NECAB1: variants seen among roughly 807,000 people sequenced by gnomAD.
The protein encoded by NECAB1 is N-terminal EF-hand calcium-binding protein 1.
A neutral mutation model predicts 57.5 loss-of-function variants in NECAB1; 29 were observed. The observed-to-expected ratio is 0.50, with a 90% CI of 0.38 to 0.69. The LOEUF is 0.69. Ranked by LOEUF, NECAB1 falls within the 30% of genes least tolerant of loss-of-function variation. NECAB1 has a pLI of 0.00. For synonymous variants in NECAB1, 142 were observed against 147.7 expected (o/e 0.96, Z 0.28); for missense variants, 372 against 413.8 (o/e 0.90, Z 0.88).
chr8:90,811,066 G>C (rs755559543), intron 2 of NECAB1, among the ~76,000 whole-genome samples: 11 of 151,198 alleles, frequency 7.3e-5, no homozygotes, highest in Non-Finnish European at 1.5e-4. Flanking sequence ...TCCTGCCTCC[G>C]CCTCCCGAGT....
chr8:90,916,408 A>C (rs1809953519), intron 5 of NECAB1, among the ~76,000 whole-genome samples: 1 of 152,212 alleles, frequency 6.6e-6, no homozygotes, highest in Non-Finnish European at 1.5e-5. Flanking sequence ...AGAACCAGGA[A>C]GGTTAGATAC....
At chr8:90,927,495 A>G (rs1810302318) in intron 7 of NECAB1, among the ~76,000 whole-genome samples, 1 of 152,006 alleles carries the variant, frequency 6.6e-6, no homozygotes, top group Admixed American at 6.6e-5. Context: ...AGTATATACA[A>G]ATATGCCAGG....
chr8:90,827,333 T>A (rs1029858012), intron 3 of NECAB1, among the ~76,000 whole-genome samples: 8 of 151,996 alleles, frequency 5.3e-5, no homozygotes, highest in African/African-American at 1.9e-4. Flanking sequence ...TCAGACTCAC[T>A]GTCTCACACT....
chr8:90,837,768 G>T (rs949459059), intron 3 of NECAB1, among the ~76,000 whole-genome samples: 1 of 152,120 alleles, frequency 6.6e-6, no homozygotes, highest in Non-Finnish European at 1.5e-5. Flanking sequence ...TTGCTCTCTT[G>T]CTGTGATCCT....
At position 90,955,112 on chromosome 8, in the gene NECAB1, TTATATATATATATATATATA is replaced by T. The variant is rs59244524; in HGVS notation, c.1031-357_1031-338del. The stretch of plus-strand genomic sequence containing the variant: ...ATTTCATAAATATTGGGTATATAAA[TTATATATATATATATATATA>T]TATATATATATATATATGGCCTAAC... On this transcript the variant is annotated intron_variant, in intron 12 of 12. Coordinates refer to ENST00000417640, the MANE Select transcript of NECAB1 (RefSeq NM_022351.5). Among the ~76,000 whole-genome samples the T allele has an allele frequency of 7.5e-4, 53 of 70,816 alleles. 2 individuals are homozygous for T. The highest frequency in any genetic ancestry group is 5.8e-3 in the South Asian group (11 of 1,902). The allele number at this position is 70,816 out of a possible 152,430, so 46.5% of individuals were successfully genotyped here. A position where few individuals can be genotyped will look rare whatever the true frequency, so the allele number is the denominator to read the frequency against.
intron 2 of NECAB1, among the ~76,000 whole-genome samples, chr8:90,802,124 G>A (rs1338434334): frequency 1.3e-5 from 2 of 152,180 alleles, no homozygotes; most frequent in Non-Finnish European, 2.9e-5. Context: ...TGTATGACAC[G>A]CAAGTCTGGA....
chr8:90,924,977 A>G (rs1810224264), intron 6 of NECAB1, among the ~76,000 whole-genome samples: 2 of 151,740 alleles, frequency 1.3e-5, no homozygotes, highest in South Asian at 4.1e-4. Flanking sequence ...TGTATATAAT[A>G]TATATTTTAA....
chr8:90,926,548 T>C, intron 7 of NECAB1, among the ~76,000 whole-genome samples: 1 of 152,212 alleles, frequency 6.6e-6, no homozygotes, highest in East Asian at 1.9e-4. Context: ...TGGTTACACC[T>C]GTAGATACTT....
At chr8:90,895,915 A>G (rs1809317488) in intron 5 of NECAB1, among the ~76,000 whole-genome samples, 1 of 152,232 alleles carries the variant, frequency 6.6e-6, no homozygotes. Flanking sequence ...AATCAGAGGC[A>G]CAATTAAAGC....
chr8:90,837,284 G>C (rs1289675754), intron 3 of NECAB1, among the ~76,000 whole-genome samples: 2 of 152,176 alleles, frequency 1.3e-5, no homozygotes, highest in Admixed American at 1.3e-4. Context: ...AAGACCCACA[G>C]TGGATGCTTA....
rs1253645882 is a variant in NECAB1, at chr8:90,914,010, C to CA, written c.358-3481dup. On this transcript the variant is annotated intron_variant, in intron 5 of 12. Coordinates refer to ENST00000417640, the MANE Select transcript of NECAB1 (RefSeq NM_022351.5). ...AGCAAGGGCTGGATGCAGGGGGAGGCAGGTGGTGACCAGCCAGTGGCAAGA... is the reference window on the plus strand; with the variant it reads ...AGCAAGGGCTGGATGCAGGGGGAGGCAAGGTGGTGACCAGCCAGTGGCAAGA... Among the ~76,000 whole-genome samples, 5 of 152,318 alleles carry CA rather than the reference C, an allele frequency of 3.3e-5. No individual in the cohort carries two copies. In the East Asian group the frequency reaches 9.6e-4, roughly 29 times the overall value.
At chr8:90,831,985 C>T (rs1812304755) in intron 3 of NECAB1, among the ~76,000 whole-genome samples, 1 of 152,108 alleles carries the variant, frequency 6.6e-6, no homozygotes, top group Non-Finnish European at 1.5e-5. Context: ...AAATTGAAGT[C>T]TTACACTTTT....
intron 3 of NECAB1, among the ~76,000 whole-genome samples, chr8:90,861,821 G>C (rs1033287170): frequency 3.3e-5 from 5 of 152,122 alleles, no homozygotes; most frequent in African/African-American, 1.2e-4. Flanking sequence ...GGAGAGCCAG[G>C]GCAAACCCAG....
intron 5 of NECAB1, among the ~76,000 whole-genome samples, chr8:90,901,800 T>C (rs1456086322): frequency 2.6e-5 from 4 of 152,170 alleles, no homozygotes. Flanking sequence ...TTGAGCCTTG[T>C]AGTTACACAC....
chr8:90,955,168 G>A (rs756528636), intron 12 of NECAB1, among the ~76,000 whole-genome samples: 1 of 128,078 alleles, frequency 7.8e-6, no homozygotes, highest in African/African-American at 3.0e-5. Context: ...TACTGCCAGT[G>A]TTGGGTAGAT....
At chr8:90,808,640 C>CTTTTTTTTTTTT (rs200075536) in intron 2 of NECAB1, among the ~76,000 whole-genome samples, 365 of 81,230 alleles carry the variant, frequency 4.5e-3, no homozygotes, top group East Asian at 6.2e-3. Flanking sequence ...TTTTTCTTTT[C>CTTTTTTTTTTTT]TTTTTTTTTT....
chr8:90,817,516 A>G (rs1812078862), intron 2 of NECAB1, among the ~76,000 whole-genome samples: 1 of 151,042 alleles, frequency 6.6e-6, no homozygotes, highest in Non-Finnish European at 1.5e-5. Context: ...GTTTGCTGAG[A>G]GTTATTAATG....
At position 90,932,056 on chromosome 8, in the gene NECAB1, T is replaced by C. The variant is rs1810423655; in HGVS notation, c.694-2248T>C. 3.3e-5 allele frequency among the ~76,000 whole-genome samples: 5 copies of C among 152,170 alleles called. No homozygotes were observed. In the South Asian group the frequency reaches 1.0e-3, roughly 32 times the overall value. ...TCATCAGATCACAGGACATTCTCAT[T>C]TGAAAGGATGTAATTCAGGATGTCA... On this transcript the variant is annotated intron_variant, in intron 8 of 12. Transcript: ENST00000417640.
chr8:90,811,723 T>G (rs995954488), intron 2 of NECAB1, among the ~76,000 whole-genome samples: 1 of 152,200 alleles, frequency 6.6e-6, no homozygotes, highest in Admixed American at 6.5e-5. Context: ...TTGTGTCTGG[T>G]TGGTCTTCCT....
Sources: gnomAD v4.1 joint callset for allele counts (sites outside exome capture counted in the v4.1 genomes callset) on GRCh38, gnomAD v4.1.1 for gene constraint, MANE v1.5 for transcripts, NCBI Gene and HGNC (gene_info 2026-07-23, HGNC 2026-07-21) for gene names.